The following SDCCAG8 variants were observed in gnomAD, a reference collection of about 807,000 sequenced individuals.
SDCCAG8 encodes the protein serologically defined colon cancer antigen 8.
Under a neutral mutation model 101.8 loss-of-function variants are expected in SDCCAG8, and 74 were observed. That is an observed-to-expected ratio of 0.73 (90% CI 0.60 to 0.88). SDCCAG8 has a LOEUF of 0.88. Among genes scored for constraint, SDCCAG8 ranks in the 40% least tolerant of loss-of-function variants. The pLI is 0.00. For synonymous variants in SDCCAG8, 281 were observed against 292.9 expected (o/e 0.96, Z 0.41); for missense variants, 787 against 822.6 (o/e 0.96, Z 0.53).
At chr1:243,482,117 G>C (rs1663869747) in intron 16 of SDCCAG8, among the ~76,000 whole-genome samples, 1 of 152,186 alleles carries the variant, frequency 6.6e-6, no homozygotes, top group African/African-American at 2.4e-5. Flanking sequence ...AGTATTCATA[G>C]CAAATGAGTG....
chr1:243,281,552 T>C (rs771602455), intron 4 of SDCCAG8, among the ~76,000 whole-genome samples: 1 of 152,058 alleles, frequency 6.6e-6, no homozygotes, highest in Non-Finnish European at 1.5e-5. Flanking sequence ...ATTATTGTTA[T>C]GATTGGATCA....
chr1:243,294,482 G>GGGAGAGAGAGAGAGAGAAAGAGT (rs1259035129), intron 6 of SDCCAG8, among the ~76,000 whole-genome samples: 2 of 99,980 alleles, frequency 2.0e-5, no homozygotes, highest in Admixed American at 9.6e-5. Flanking sequence ...GTGGGGGGGG[G>GGGAGAGAGAGAGAGAGAAAGAGT]GAGAGAGAGA....
At chr1:243,403,562 G>A (rs138597605) in intron 13 of SDCCAG8, among the ~76,000 whole-genome samples, 2 of 152,262 alleles carry the variant, frequency 1.3e-5, no homozygotes, top group East Asian at 1.9e-4. Flanking sequence ...AAACTGAGTC[G>A]TAGGTTATGT....
rs552195531 is a variant in SDCCAG8, at chr1:243,384,310, C to T, written c.1616+5447C>T. Among the ~76,000 whole-genome samples, 57 of 152,222 alleles carry T rather than the reference C, an allele frequency of 3.7e-4. 1 individual carries two copies. The highest frequency in any genetic ancestry group is 1.3e-3 in the African/African-American group (54 of 41,522). ...ACTGTATTCCAAATGTATGACTATT[C>T]TTTCAAGCTCAGTACTGCTATACAA... On this transcript the variant is annotated intron_variant, in intron 13 of 17. Coordinates refer to ENST00000366541, the MANE Select transcript of SDCCAG8 (RefSeq NM_006642.5).
chr1:243,335,113 A>C (rs201905869), intron 10 of SDCCAG8, among the ~76,000 whole-genome samples: 2 of 152,210 alleles, frequency 1.3e-5, no homozygotes, highest in East Asian at 3.9e-4. Flanking sequence ...ATTACAAGGA[A>C]AAGAAAAAAG....
intron 16 of SDCCAG8, among the ~76,000 whole-genome samples, chr1:243,427,627 G>T (rs1430958307): frequency 1.3e-5 from 2 of 152,046 alleles, no homozygotes; most frequent in African/African-American, 4.8e-5. Context: ...TGAAGGAAAT[G>T]AAAATATTTA....
intron 11 of SDCCAG8, among the ~76,000 whole-genome samples, chr1:243,342,724 T>A (rs928844298): frequency 7.9e-5 from 12 of 152,192 alleles, no homozygotes; most frequent in African/African-American, 2.9e-4. Flanking sequence ...TTGTAATTTT[T>A]ATTTAGGTTT....
chr1:243,286,334 G>A lies in SDCCAG8; in HGVS notation c.483G>A (p.Gln161=), dbSNP rs2069611978. Residue 161 remains glutamine, a synonymous_variant, in exon 5 of 18, where the codon CAG becomes CAA. Transcript: ENST00000366541. ...QVVVLENEGL[Q]QQLKSQRQEE... is the part of the protein sequence containing the mutation. ...TTGTGCTTGAAAACGAAGGGCTCCAGCAACAGCTAAAATCTCAAAGACAAG... is the reference window on the plus strand; with the variant it reads ...TTGTGCTTGAAAACGAAGGGCTCCAACAACAGCTAAAATCTCAAAGACAAG... 6.2e-7 allele frequency: 1 copy of A among 1,613,928 alleles called. No individual in the cohort carries two copies. The highest frequency in any genetic ancestry group is 2.2e-5 in the East Asian group (1 of 44,878).
intron 8 of SDCCAG8, among the ~76,000 whole-genome samples, chr1:243,315,725 C>T (rs2073173915): frequency 6.6e-6 from 1 of 151,908 alleles, no homozygotes; most frequent in Non-Finnish European, 1.5e-5. Context: ...TTAAAACTTG[C>T]TAATTAAAAA....
intron 13 of SDCCAG8, among the ~76,000 whole-genome samples, chr1:243,383,956 C>T (rs1422606218): frequency 6.6e-6 from 1 of 152,128 alleles, no homozygotes; most frequent in Non-Finnish European, 1.5e-5. Context: ...ATCTTACCTT[C>T]TTACCAAGGT....
At chr1:243,473,798 G>C (rs546648110) in intron 16 of SDCCAG8, among the ~76,000 whole-genome samples, 151 of 152,122 alleles carry the variant, frequency 9.9e-4, no homozygotes, top group African/African-American at 3.5e-3. Context: ...ATTCAAGTCT[G>C]AACAACTGTC....
At chr1:243,378,184 T>C (rs2147903260) in intron 12 of SDCCAG8, among the ~76,000 whole-genome samples, 1 of 152,032 alleles carries the variant, frequency 6.6e-6, no homozygotes, top group East Asian at 1.9e-4. Context: ...CTTTTTTTTT[T>C]CCTGGATTAT....
At chr1:243,466,669 G>A (rs751458413) in intron 16 of SDCCAG8, among the ~76,000 whole-genome samples, 1 of 152,200 alleles carries the variant, frequency 6.6e-6, no homozygotes, top group African/African-American at 2.4e-5. Flanking sequence ...TGTTTAAAGT[G>A]TCCAGCACAG....
chr1:243,332,797 G>A (rs2074717956), intron 10 of SDCCAG8, among the ~76,000 whole-genome samples: 1 of 151,762 alleles, frequency 6.6e-6, no homozygotes, highest in Non-Finnish European at 1.5e-5. Context: ...TCCCGGTCTG[G>A]AGGTGGTTAT....
At chr1:243,266,313 T>C (rs2067579138) in intron 1 of SDCCAG8, among the ~76,000 whole-genome samples, 1 of 151,044 alleles carries the variant, frequency 6.6e-6, no homozygotes, top group South Asian at 2.1e-4. Flanking sequence ...GAATTTTTTT[T>C]TCTTTTTCTT....
At chr1:243,455,963 G>T (rs1484235968) in intron 16 of SDCCAG8, among the ~76,000 whole-genome samples, 1 of 152,182 alleles carries the variant, frequency 6.6e-6, no homozygotes, top group Non-Finnish European at 1.5e-5. Flanking sequence ...CAAACAAGTG[G>T]GTCAGAATGG....
rs377607590 is a variant in SDCCAG8, at chr1:243,485,947, C to T, written c.1986-3067C>T. Among the ~76,000 whole-genome samples the T allele has an allele frequency of 4.7e-3, 704 of 151,256 alleles. 8 individuals carry two copies. Among genetic ancestry groups the T allele is most frequent in the African/African-American group, 0.015 (632 of 41,214 alleles). ...GGCGTGGTGGCTCACGCCTGTAATC[C>T]CAGCACTTTGGGAGGCTGAGGCGAG... On this transcript the variant is annotated intron_variant, in intron 16 of 17. Transcript: ENST00000366541.
chr1:243,341,572 A>G (rs2075384227), intron 11 of SDCCAG8, among the ~76,000 whole-genome samples: 1 of 152,244 alleles, frequency 6.6e-6, no homozygotes, highest in Non-Finnish European at 1.5e-5. Context: ...AATAATTGCC[A>G]AAGACATATA....
intron 13 of SDCCAG8, among the ~76,000 whole-genome samples, chr1:243,391,340 C>G (rs184467435): frequency 1.3e-5 from 2 of 152,312 alleles, no homozygotes; most frequent in South Asian, 4.1e-4. Flanking sequence ...GAGACCAGGG[C>G]CCACTTCAAG....
Sources: allele counts gnomAD v4.1 joint callset (sites outside exome capture counted in the v4.1 genomes callset), GRCh38; gene constraint gnomAD v4.1.1; transcripts MANE v1.5; gene names NCBI Gene and HGNC (gene_info 2026-07-23, HGNC 2026-07-21).